Variants in ACP6 observed in about 807,000 individuals in gnomAD.
ACP6 encodes acid phosphatase 6, lysophosphatidic.
A neutral mutation model predicts 48.1 loss-of-function variants in ACP6; 48 were observed. The ratio of observed to expected loss-of-function variants is 1.00; its 90% CI spans 0.79 to 1.27. The LOEUF is 1.27. Ranked by LOEUF, ACP6 falls within the 50% of genes most tolerant of loss-of-function variation. ACP6 has a pLI of 0.00. For synonymous variants in ACP6, 172 were observed against 204.2 expected, an observed-to-expected ratio of 0.84 and a Z score of 1.34; for missense variants, 485 against 529.1, an observed-to-expected ratio of 0.92 and a Z score of 0.82.
In ACP6 at chr1:147,670,217, C is replaced by A. The variant is rs1661027846; in HGVS notation, c.-169G>T. ...CTGTGCCTCCCGGCCCTGAGGGAGA[C>A]CCCGAGTGGGAACGGGGGAGAGAAC... On this transcript the variant is annotated 5_prime_UTR_variant, in exon 1 of 10. Coordinates refer to ENST00000583509, the MANE Select transcript of ACP6 (RefSeq NM_016361.5). The A allele has an allele frequency of 1.6e-6, 1 of 613,070 alleles. No individual in the cohort carries two copies. The highest frequency in any genetic ancestry group is 2.8e-6 in the Non-Finnish European group (1 of 358,886). 38.0% of individuals were successfully genotyped at this position (613,070 alleles called of 1,614,324 possible).
At chr1:147,663,126 C>A (rs1246084551) in intron 1 of ACP6, among the ~76,000 whole-genome samples, 1 of 152,158 alleles carries the variant, frequency 6.6e-6, no homozygotes, top group Non-Finnish European at 1.5e-5. Flanking sequence ...CTTTTATATG[C>A]ACTGGGAAAC....
Position 147,647,572 on chromosome 1 carries a change from G to A in ACP6, c.1144-6C>T. 6.2e-7 allele frequency: 1 copy of A among 1,611,330 alleles called. No individual in the cohort carries two copies. The highest frequency in any genetic ancestry group is 8.5e-7 in the Non-Finnish European group (1 of 1,179,722). The stretch of plus-strand genomic sequence containing the variant: ...CAACCTCTCGGCACCTGCTCCTGCA[G>A]AAGAAACATAACTCAGCAGGTCCGC... On this transcript the variant is annotated splice_region_variant and splice_polypyrimidine_tract_variant and intron_variant, in intron 9 of 9. Transcript: ENST00000583509.
intron 5 of ACP6, 98 bp downstream of exon 5, chr1:147,655,063 G>A (rs1660176888): frequency 2.1e-6 from 2 of 952,664 alleles, no homozygotes; most frequent in Non-Finnish European, 3.3e-6. Flanking sequence ...TCGCCAGTAG[G>A]GTAAGCCTGG....
intron 4 of ACP6, among the ~76,000 whole-genome samples, chr1:147,656,697 A>G (rs1400167199): frequency 6.6e-6 from 1 of 152,198 alleles, no homozygotes; most frequent in East Asian, 1.9e-4. Context: ...AATGACACCT[A>G]TCTTATAGGG....
At chr1:147,650,307 G>T in intron 7 of ACP6, 69 bp from the exon 8 acceptor site, 1 of 1,168,718 alleles carries the variant, frequency 8.6e-7, no homozygotes, top group Non-Finnish European at 1.2e-6. Flanking sequence ...GACTGATTCT[G>T]CCCCCAGGAC....
intron 1 of ACP6, among the ~76,000 whole-genome samples, chr1:147,660,225 A>G (rs1660477713): frequency 6.6e-6 from 1 of 152,298 alleles, no homozygotes; most frequent in South Asian, 2.1e-4. Flanking sequence ...TAACTAATAT[A>G]CTTTTTTCCT....
At chr1:147,659,081 T>A in intron 3 of ACP6, 42 bp from the exon 4 acceptor site, 2 of 1,538,142 alleles carry the variant, frequency 1.3e-6, no homozygotes, top group Non-Finnish European at 1.8e-6. Flanking sequence ...AAAAGGAATA[T>A]TTAATTATAT....
intron 7 of ACP6, chr1:147,651,883 C>G (rs587753892): frequency 6.6e-6 from 1 of 152,346 alleles, no homozygotes; most frequent in Admixed American, 6.5e-5. Flanking sequence ...GAGAGAAAAA[C>G]TTTCCATTCT....
chr1:147,642,843 AAAGAC>A lies in ACP6; in HGVS notation c.*4575_*4579del, dbSNP rs1176967666. 2 of 152,194 alleles carry A rather than the reference AAAGAC, an allele frequency of 1.3e-5. No individual in the cohort carries two copies. Among genetic ancestry groups the A allele is most frequent in the Non-Finnish European group, 2.9e-5 (2 of 68,034 alleles). The allele number at this position is 152,194 out of a possible 1,614,324, so 9.4% of individuals were successfully genotyped here. ...ACTGATAAATATCACAGGGCGGGGG[AAAGAC>A]AAGACAAGTGTATTCATTTGCTAGG... is the stretch of plus-strand genomic sequence containing the variant. On this transcript the variant is annotated 3_prime_UTR_variant, in exon 10 of 10. Transcript: ENST00000583509.
Position 147,650,179 on chromosome 1 carries a change from T to G in ACP6, c.941A>C (p.Lys314Thr), listed in dbSNP as rs1553210236. 6.2e-7 allele frequency: 1 copy of G among 1,606,748 alleles called. No individual in the cohort carries two copies. ...FLHILESNLL[K>T]AMDSATAPDK... ...GGGGGCAGTGGCAGAGTCCATGGCT[T>G]TCAGCAGGTTGCTCTCTAGGATGTG... Residue 314 changes from lysine (K) to threonine (T), a missense_variant, in exon 8 of 10, where the codon AAA becomes ACA. Lys to Thr is a moderately conservative substitution (Grantham distance 78). Coordinates refer to ENST00000583509, the MANE Select transcript of ACP6 (RefSeq NM_016361.5).
intron 1 of ACP6, among the ~76,000 whole-genome samples, chr1:147,661,180 C>A (rs1430407297): frequency 4.6e-5 from 7 of 152,280 alleles, no homozygotes; most frequent in African/African-American, 1.4e-4. Flanking sequence ...GTTGCCCAGG[C>A]TGGAGTACAG....
intron 7 of ACP6, chr1:147,650,444 C>A (rs781854309): frequency 3.2e-5 from 16 of 501,128 alleles, no homozygotes; most frequent in Non-Finnish European, 3.1e-5. Flanking sequence ...CCCAACAACA[C>A]AGGCACCAGC....
At chr1:147,651,426 T>C (rs1659910946) in intron 7 of ACP6, 1 of 152,222 alleles carries the variant, frequency 6.6e-6, no homozygotes, top group South Asian at 2.1e-4. Flanking sequence ...GGTTGCTTCA[T>C]GTTACAAGGG....
At chr1:147,655,501 C>T (rs916555128) in intron 4 of ACP6, among the ~76,000 whole-genome samples, 17 of 152,178 alleles carry the variant, frequency 1.1e-4, no homozygotes, top group East Asian at 3.9e-4. Flanking sequence ...GCCCTCCTAT[C>T]GGGCCACAAA....
At chr1:147,650,117 C>T (rs1659838708) in intron 8 of ACP6, 26 bp downstream of exon 8, 1 of 1,595,188 alleles carries the variant, frequency 6.3e-7, no homozygotes, top group Non-Finnish European at 8.6e-7. Context: ...CTTAGCTGCA[C>T]AAAGCAGAGT....
chr1:147,647,828 C>T lies in ACP6; in HGVS notation c.1144-262G>A, dbSNP rs1553209745. 3 of 556,418 alleles carry T rather than the reference C, an allele frequency of 5.4e-6. No individual in the cohort carries two copies. The African/African-American group carries it at 5.7e-5, about 10-fold the overall frequency. The allele number at this position is 556,418 out of a possible 1,614,324, so 34.5% of individuals were successfully genotyped here. On this transcript the variant is annotated intron_variant, in intron 9 of 9. Coordinates refer to ENST00000583509, the MANE Select transcript of ACP6 (RefSeq NM_016361.5). Reference sequence around the variant, plus strand: ...GAGCTGGGAGAACCAACAGGCTCATCCCTGGGGCGTGCTCTGGCCTCTGCC... The same window carrying T: ...GAGCTGGGAGAACCAACAGGCTCATTCCTGGGGCGTGCTCTGGCCTCTGCC...
downstream of ACP6, among the ~76,000 whole-genome samples, chr1:147,638,059 G>A (rs587712865): frequency 6.6e-6 from 1 of 152,286 alleles, no homozygotes; most frequent in East Asian, 1.9e-4. Context: ...AATTCATTCA[G>A]TAAGTACAAA....
chr1:147,659,251 T>A (rs1553212245), intron 3 of ACP6, 145 bp downstream of exon 3: 1 of 1,231,102 alleles, frequency 8.1e-7, no homozygotes, highest in Non-Finnish European at 1.1e-6. Flanking sequence ...GTTCACCAGA[T>A]CCTGTGACAT....
chr1:147,640,821 G>T (rs954844913), downstream of ACP6, among the ~76,000 whole-genome samples: 1 of 152,172 alleles, frequency 6.6e-6, no homozygotes, highest in Non-Finnish European at 1.5e-5. Context: ...CTTTTTACTG[G>T]GGAAAGTGTT....
Sources: allele counts gnomAD v4.1 joint callset (sites outside exome capture counted in the v4.1 genomes callset), GRCh38; gene constraint gnomAD v4.1.1; transcripts MANE v1.5; gene names NCBI Gene and HGNC (gene_info 2026-07-23, HGNC 2026-07-21).